GPC3: variants seen among roughly 807,000 people sequenced by gnomAD.
GPC3 encodes the protein glypican 3.
A neutral mutation model predicts 34.4 loss-of-function variants in GPC3; 3 were observed. That is an observed-to-expected ratio of 0.09 (90% CI 0.04 to 0.23). The LOEUF is 0.23. Ranked by LOEUF, GPC3 falls within the 10% of genes least tolerant of loss-of-function variation. The pLI is 1.00. For missense variants in GPC3, 351 were observed against 445.6 expected (o/e 0.79, Z 1.91); for synonymous variants, 177 against 174.0 (o/e 1.02, Z -0.13).
intron 2 of GPC3, among the ~76,000 whole-genome samples, chrX:133,840,625 CCAT>C (rs778710263): frequency 2.0e-4 from 22 of 110,338 alleles, no homozygotes; most frequent in African/African-American, 7.3e-4. Context: ...ATCTTCATCA[CCAT>C]CATCATCACC....
intron 2 of GPC3, among the ~76,000 whole-genome samples, chrX:133,896,938 G>T (rs1475600953): frequency 1.1e-5 from 1 of 93,062 alleles, no homozygotes; most frequent in Non-Finnish European, 2.1e-5. Context: ...ATGGAGTCTC[G>T]CTCTGTCGCC....
At chrX:133,883,939 G>A (rs1164680105) in intron 2 of GPC3, among the ~76,000 whole-genome samples, 1 of 111,735 alleles carries the variant, frequency 8.9e-6, no homozygotes, top group African/African-American at 3.2e-5. Context: ...ATGTTGAATG[G>A]TCTTTGAAAT....
chrX:133,715,034 C>G (rs2071301501), intron 3 of GPC3, among the ~76,000 whole-genome samples: 1 of 111,370 alleles, frequency 9.0e-6, no homozygotes, highest in African/African-American at 3.3e-5. Flanking sequence ...AGGGTGTTGC[C>G]AAAGGAGATT....
chrX:133,972,365 T>C (rs777158605), intron 1 of GPC3, among the ~76,000 whole-genome samples: 1 of 112,238 alleles, frequency 8.9e-6, no homozygotes, highest in Admixed American at 9.5e-5. Flanking sequence ...CTTCTGGAGA[T>C]GGCCAAGTAA....
intron 2 of GPC3, among the ~76,000 whole-genome samples, chrX:133,943,275 A>G (rs1200375110): frequency 8.9e-6 from 1 of 112,432 alleles, no homozygotes; most frequent in Non-Finnish European, 1.9e-5. Context: ...CTAGTGAGTA[A>G]CAAGAGTATT....
chrX:133,830,699 A>AAC, intron 2 of GPC3, among the ~76,000 whole-genome samples: 1 of 108,159 alleles, frequency 9.2e-6, no homozygotes, highest in African/African-American at 3.3e-5. Flanking sequence ...AAAAAAAAAA[A>AAC]AAAAAAACAT....
rs758592424 is a variant in GPC3 at position 133,666,320 on chromosome X, T to C, written c.1293-4470A>G. Among the ~76,000 whole-genome samples, 20 of 112,482 alleles carry C rather than the reference T, an allele frequency of 1.8e-4. No homozygotes were observed. In the Admixed American group the frequency reaches 1.9e-3, roughly 11 times the overall value. ...AGAAGCTTGCCAAACTTTTTGAAAGTTGAAATAGCATCTACTGTTCTGCTC... is the reference window on the plus strand; with the variant it reads ...AGAAGCTTGCCAAACTTTTTGAAAGCTGAAATAGCATCTACTGTTCTGCTC... On this transcript the variant is annotated intron_variant, in intron 5 of 7. Coordinates refer to ENST00000370818, the MANE Select transcript of GPC3 (RefSeq NM_004484.4).
At chrX:133,933,110 T>C (rs1299383940) in intron 2 of GPC3, among the ~76,000 whole-genome samples, 1 of 111,053 alleles carries the variant, frequency 9.0e-6, no homozygotes, top group African/African-American at 3.3e-5. Flanking sequence ...TTTTGGGAAA[T>C]TAAAGCTCAA....
intron 3 of GPC3, among the ~76,000 whole-genome samples, chrX:133,727,057 A>G (rs1410801214): frequency 2.7e-5 from 3 of 111,976 alleles, no homozygotes; most frequent in African/African-American, 6.5e-5. Context: ...TCTAAGCCTC[A>G]GTTTCCTCAT....
intron 2 of GPC3, among the ~76,000 whole-genome samples, chrX:133,926,297 G>C (rs926952217): frequency 1.8e-5 from 2 of 111,984 alleles, no homozygotes; most frequent in Non-Finnish European, 3.8e-5. Context: ...GTAGCTGTAG[G>C]GGTCTTATTT....
At chrX:133,858,925 C>T (rs1440597270) in intron 2 of GPC3, among the ~76,000 whole-genome samples, 1 of 109,124 alleles carries the variant, frequency 9.2e-6, no homozygotes, top group Non-Finnish European at 1.9e-5. Context: ...ACTAAAAATA[C>T]AAAAAATTAG....
chrX:133,847,745 G>C (rs2075853298), intron 2 of GPC3, among the ~76,000 whole-genome samples: 1 of 112,180 alleles, frequency 8.9e-6, no homozygotes. Context: ...AATGCAGAGT[G>C]CCTGACTTGT....
intron 6 of GPC3, among the ~76,000 whole-genome samples, chrX:133,610,580 T>A (rs2070098810): frequency 9.3e-6 from 1 of 107,684 alleles, no homozygotes; most frequent in Admixed American, 1.0e-4. Context: ...CCCCTTTTGA[T>A]ATACCAGGTA....
intron 1 of GPC3, among the ~76,000 whole-genome samples, chrX:133,975,689 T>C (rs1217483799): frequency 8.9e-6 from 1 of 112,483 alleles, no homozygotes; most frequent in African/African-American, 3.2e-5. Context: ...GATTTTATCT[T>C]GTTCATCAGC....
intron 1 of GPC3, among the ~76,000 whole-genome samples, chrX:133,984,174 G>A (rs2076554975): frequency 8.8e-6 from 1 of 113,704 alleles, no homozygotes; most frequent in African/African-American, 3.2e-5. Context: ...CCTCGGAAGC[G>A]CGGGACGCGC....
intron 2 of GPC3, among the ~76,000 whole-genome samples, chrX:133,821,092 C>T (rs886809306): frequency 4.5e-5 from 5 of 112,194 alleles, no homozygotes; most frequent in African/African-American, 1.3e-4. Flanking sequence ...TCTAGCCACA[C>T]ACCTGTATAG....
intron 2 of GPC3, among the ~76,000 whole-genome samples, chrX:133,934,504 T>TTA (rs1175820147): frequency 2.2e-4 from 24 of 106,758 alleles, no homozygotes; most frequent in East Asian, 5.9e-4. Context: ...CAAACTTTAT[T>TTA]TATATATATA....
rs748822361 is a variant in GPC3 at position 133,538,773 on chromosome X, A to G, written c.1574-2480T>C. On this transcript the variant is annotated intron_variant, in intron 7 of 7. Transcript: ENST00000370818. ...AGCCTCGATTTCCAGGGCTCAAGCA[A>G]TCCTCCCACATTGGCCTCCCAAGTA... 4.8e-5 allele frequency among the ~76,000 whole-genome samples: 5 copies of G among 104,836 alleles called. No individual in the cohort carries two copies. The South Asian group carries it at 1.9e-3, about 40-fold the overall frequency. The allele number at this position is 104,836 out of a possible 115,157, so 91.0% of individuals were successfully genotyped here. A position where few individuals can be genotyped will look rare whatever the true frequency, so the allele number is the denominator to read the frequency against.
At chrX:133,983,559 G>T (rs1166070470) in intron 1 of GPC3, among the ~76,000 whole-genome samples, 1 of 111,906 alleles carries the variant, frequency 8.9e-6, no homozygotes, top group Non-Finnish European at 1.9e-5. Context: ...CTTTCTTCTG[G>T]CCTTTTTCTT....
Sources: allele counts gnomAD v4.1 joint callset (sites outside exome capture counted in the v4.1 genomes callset), GRCh38; gene constraint gnomAD v4.1.1; transcripts MANE v1.5; gene names NCBI Gene and HGNC (gene_info 2026-07-23, HGNC 2026-07-21).